Variants in CSRP3 observed in about 807,000 individuals in gnomAD.
CSRP3 encodes cysteine and glycine rich protein 3.
Under a neutral mutation model 24.3 loss-of-function variants are expected in CSRP3, and 24 were observed. That is an observed-to-expected ratio of 0.99 (90% confidence interval 0.71 to 1.39). The LOEUF is 1.39. CSRP3 is among the 40% of genes most tolerant of loss of function. The pLI is 0.00. For missense variants in CSRP3, 240 were observed against 249.0 expected (o/e 0.96, Z 0.24); for synonymous variants, 105 against 94.0 (o/e 1.12, Z -0.68).
chr11:19,197,471 C>T (rs1393696030), intron 1 of CSRP3, among the ~76,000 whole-genome samples: 1 of 148,756 alleles, frequency 6.7e-6, no homozygotes, highest in Non-Finnish European at 1.5e-5. Flanking sequence ...CCCTCCCTTC[C>T]TCTCTCCATC....
At chr11:19,184,251 G>A (rs7130460) in intron 5 of CSRP3, among the ~76,000 whole-genome samples, 31,778 of 152,116 alleles carry the variant, frequency 0.21, 4,795 homozygotes, top group African/African-American at 0.43. Context: ...AAACTCCACT[G>A]AGCAACAGAA....
At chr11:19,192,791 T>A (rs1850637501) in intron 1 of CSRP3, among the ~76,000 whole-genome samples, 1 of 152,106 alleles carries the variant, frequency 6.6e-6, no homozygotes, top group African/African-American at 2.4e-5. Context: ...TAAAAGTATA[T>A]ACAAAGATCG....
chr11:19,197,530 T>C (rs985429597), intron 1 of CSRP3, among the ~76,000 whole-genome samples: 3 of 131,876 alleles, frequency 2.3e-5, no homozygotes, highest in East Asian at 2.3e-4. Context: ...TTTCTTTCTT[T>C]CTTTCTTTCT....
At chr11:19,185,842 C>T (rs527252544) in intron 4 of CSRP3, among the ~76,000 whole-genome samples, 80 of 152,234 alleles carry the variant, frequency 5.3e-4, no homozygotes, top group Non-Finnish European at 9.7e-4. Context: ...TCTGCTATAT[C>T]CATTGGTCAT....
chr11:19,184,323 T>C (rs1220885900), intron 5 of CSRP3, among the ~76,000 whole-genome samples: 3 of 152,250 alleles, frequency 2.0e-5, no homozygotes, highest in Admixed American at 6.5e-5. Flanking sequence ...CTTCCTTTGA[T>C]AGTGTCAAGA....
chr11:19,200,915 G>A (rs1850828106), intron 1 of CSRP3, among the ~76,000 whole-genome samples: 2 of 152,144 alleles, frequency 1.3e-5, no homozygotes, highest in African/African-American at 4.8e-5. Context: ...TGACATAGGA[G>A]ATGGTCCATA....
intron 2 of CSRP3, among the ~76,000 whole-genome samples, chr11:19,189,155 A>G (rs1015474477): frequency 6.6e-6 from 1 of 152,182 alleles, no homozygotes; most frequent in African/African-American, 2.4e-5. Flanking sequence ...CTGTCTTTGC[A>G]TCTTCAACAT....
intron 3 of CSRP3, among the ~76,000 whole-genome samples, chr11:19,187,711 G>A (rs141618757): frequency 1.3e-5 from 2 of 152,304 alleles, no homozygotes; most frequent in African/African-American, 2.4e-5. Context: ...CCATGTGGAC[G>A]TTTGTCATCT....
chr11:19,199,779 T>G (rs1217323555), intron 1 of CSRP3, among the ~76,000 whole-genome samples: 2 of 152,234 alleles, frequency 1.3e-5, no homozygotes, highest in Non-Finnish European at 2.9e-5. Flanking sequence ...CTCAATGCCC[T>G]TTAAGACCAT....
At chr11:19,197,363 TCCCTCCCTCCCTCCCTCCCTCCCTC>T (rs1565055098) in intron 1 of CSRP3, among the ~76,000 whole-genome samples, 18 of 13,680 alleles carry the variant, frequency 1.3e-3, no homozygotes, top group African/African-American at 1.7e-3. Flanking sequence ...CCTCCCTCCC[TCCCTCCCTCCCTCCCTCCCTCCCTC>T]CCTTCCTTCC....
At chr11:19,185,848 G>C (rs774795025) in intron 4 of CSRP3, among the ~76,000 whole-genome samples, 2 of 152,158 alleles carry the variant, frequency 1.3e-5, no homozygotes, top group Non-Finnish European at 2.9e-5. Context: ...ATATCCATTG[G>C]TCATGGTGGC....
intron 2 of CSRP3, among the ~76,000 whole-genome samples, chr11:19,189,436 T>C (rs1827338561): frequency 6.6e-6 from 1 of 152,226 alleles, no homozygotes; most frequent in South Asian, 2.1e-4. Context: ...ATAGTGATGC[T>C]CAGTGCTTAT....
At chr11:19,187,451 A>G (rs1020699768) in intron 3 of CSRP3, among the ~76,000 whole-genome samples, 1 of 152,202 alleles carries the variant, frequency 6.6e-6, no homozygotes, top group African/African-American at 2.4e-5. Context: ...GCCAGAGAGT[A>G]GTGTCAGGCC....
At chr11:19,197,501 C>CCCTT (rs1850747867) in intron 1 of CSRP3, among the ~76,000 whole-genome samples, 2 of 67,068 alleles carry the variant, frequency 3.0e-5, no homozygotes, top group African/African-American at 1.1e-4. Flanking sequence ...CCCTCTTTTC[C>CCCTT]TCTTTCTTTC....
Position 19,182,665 on chromosome 11 carries a change from C to A in CSRP3, c.*5G>T. The A allele has an allele frequency of 6.2e-7, 1 of 1,613,872 alleles. No homozygotes were observed. Among genetic ancestry groups the A allele is most frequent in the African/African-American group, 1.3e-5 (1 of 75,030 alleles). On this transcript the variant is annotated 3_prime_UTR_variant, in exon 6 of 6. Coordinates refer to ENST00000265968, the MANE Select transcript of CSRP3 (RefSeq NM_003476.5). ...CGCAAAAAATCTGAGAAACGGCGCA[C>A]CTCTTCATTCTTTCTTTTCCACTTG...
intron 2 of CSRP3, 75 bp from the exon 3 acceptor site, chr11:19,188,379 T>C: frequency 6.5e-7 from 1 of 1,545,376 alleles, no homozygotes; most frequent in Non-Finnish European, 8.9e-7. Flanking sequence ...AATGCCATGC[T>C]CGGGGCCAGA....
intron 2 of CSRP3, among the ~76,000 whole-genome samples, chr11:19,190,909 C>A (rs1220297039): frequency 6.6e-6 from 1 of 152,196 alleles, no homozygotes; most frequent in Non-Finnish European, 1.5e-5. Context: ...ATGCTCAAAT[C>A]TCTTCTACTA....
rs200334242 is a variant in CSRP3 at position 19,184,995 on chromosome 11, C to T, written c.465G>A (p.Glu155=). 2.2e-5 allele frequency: 35 copies of T among 1,614,200 alleles called. 1 individual carries two copies. In the South Asian group the frequency reaches 2.7e-4, roughly 13 times the overall value. ...FRCAICGKSL[E]STNVTDKDGE... ...CATCTTTGTCAGTGACATTTGTGGA[C>T]TCCAGACTCTTCCCACAGATGGCAC... The change falls in exon 5 of 6, where the codon GAG becomes GAA. Residue 155 remains glutamate, a synonymous_variant. Coordinates refer to ENST00000265968, the MANE Select transcript of CSRP3 (RefSeq NM_003476.5).
intron 1 of CSRP3, among the ~76,000 whole-genome samples, chr11:19,193,256 C>G (rs1037955356): frequency 4.6e-5 from 7 of 152,116 alleles, no homozygotes; most frequent in African/African-American, 1.2e-4. Flanking sequence ...AACTTTATAC[C>G]TGTTTTCCCA....
Sources: allele counts gnomAD v4.1 joint callset (sites outside exome capture counted in the v4.1 genomes callset), GRCh38; gene constraint gnomAD v4.1.1; transcripts MANE v1.5; gene names NCBI Gene and HGNC (gene_info 2026-07-23, HGNC 2026-07-21).